The following LEKR1 variants were observed in gnomAD, a reference collection of about 807,000 sequenced individuals.
LEKR1 encodes leucine, glutamate and lysine rich 1.
LEKR1 carries 59 observed loss-of-function variants against 72.4 expected under a neutral mutation model. That is an observed-to-expected ratio of 0.82 (90% CI 0.66 to 1.01). The LOEUF is 1.01. Among genes scored for constraint, LEKR1 ranks in the 50% least tolerant of loss-of-function variants. LEKR1 has a pLI of 0.00. For synonymous variants in LEKR1, 257 were observed against 263.2 expected (o/e 0.98, Z 0.23); for missense variants, 728 against 759.2 (o/e 0.96, Z 0.48).
At chr3:156,985,820 G>A (rs928567810) in intron 7 of LEKR1, among the ~76,000 whole-genome samples, 1 of 148,630 alleles carries the variant, frequency 6.7e-6, no homozygotes, top group Admixed American at 6.8e-5. Context: ...TCCAGCCTGG[G>A]CAGCAAAGCG....
chr3:156,905,013 T>A (rs1722399106), intron 3 of LEKR1, among the ~76,000 whole-genome samples: 1 of 152,104 alleles, frequency 6.6e-6, no homozygotes, highest in South Asian at 2.1e-4. Flanking sequence ...GAGGTTAATT[T>A]AAAAACCTAC....
rs560010696 is a variant in LEKR1 at position 157,039,683 on chromosome 3, A to C, written c.1669-5657A>C. ...AAGACGGATTCATGTAAACTCTAAG[A>C]TTAAATTTTAATAATACATGGTATT... On this transcript the variant is annotated intron_variant, in intron 12 of 12. Coordinates refer to ENST00000356539, the MANE Select transcript of LEKR1 (RefSeq NM_001004316.3). 2.6e-5 allele frequency among the ~76,000 whole-genome samples: 4 copies of C among 152,206 alleles called. 1 individual carries two copies. The South Asian group carries it at 8.3e-4, about 32-fold the overall frequency.
At chr3:157,041,289 T>C (rs769805198) in intron 12 of LEKR1, among the ~76,000 whole-genome samples, 18 of 152,168 alleles carry the variant, frequency 1.2e-4, no homozygotes, top group African/African-American at 2.4e-5. Context: ...ACTTCCTCCA[T>C]GAAAATTTGG....
chr3:156,982,907 A>G (rs966540431), intron 7 of LEKR1, among the ~76,000 whole-genome samples: 1 of 141,494 alleles, frequency 7.1e-6, no homozygotes, highest in African/African-American at 2.5e-5. Context: ...AGATAGATAG[A>G]TGGAAGAGCT....
At chr3:157,006,441 T>C (rs1408561682) in intron 9 of LEKR1, among the ~76,000 whole-genome samples, 1 of 152,226 alleles carries the variant, frequency 6.6e-6, no homozygotes, top group African/African-American at 2.4e-5. Context: ...AAAAACAGTT[T>C]GGACGTTTCT....
At chr3:156,949,605 G>A (rs529326603) in intron 6 of LEKR1, among the ~76,000 whole-genome samples, 2 of 151,164 alleles carry the variant, frequency 1.3e-5, no homozygotes, top group South Asian at 4.2e-4. Context: ...AAACTCCTCT[G>A]GGCCTTAGTT....
At chr3:156,924,066 A>G (rs1390586355) in intron 4 of LEKR1, among the ~76,000 whole-genome samples, 1 of 152,074 alleles carries the variant, frequency 6.6e-6, no homozygotes, top group Non-Finnish European at 1.5e-5. Context: ...CTGTTTTCCA[A>G]AGGGGCTGCA....
At chr3:156,966,598 C>T (rs1159801789) in intron 6 of LEKR1, among the ~76,000 whole-genome samples, 1 of 152,138 alleles carries the variant, frequency 6.6e-6, no homozygotes, top group African/African-American at 2.4e-5. Flanking sequence ...CCTGCCATTG[C>T]CGAGGCTTGA....
chr3:156,919,771 G>A (rs1489772848), intron 3 of LEKR1, among the ~76,000 whole-genome samples: 1 of 152,124 alleles, frequency 6.6e-6, no homozygotes, highest in East Asian at 1.9e-4. Flanking sequence ...ATGTTACCAT[G>A]TTATTCTTTG....
intron 7 of LEKR1, among the ~76,000 whole-genome samples, chr3:156,989,076 T>A (rs1283794107): frequency 6.6e-6 from 1 of 152,172 alleles, no homozygotes; most frequent in Non-Finnish European, 1.5e-5. Flanking sequence ...ATGATCCACC[T>A]GCCTTGGCTC....
intron 1 of LEKR1, among the ~76,000 whole-genome samples, chr3:156,828,470 G>A (rs201784894): frequency 2.0e-4 from 1 of 4,882 alleles, no homozygotes; most frequent in African/African-American, 3.7e-4. Flanking sequence ...TCTTGTCTAT[G>A]CCTTCTTCCC....
At chr3:156,895,374 G>A (rs778570726) in intron 3 of LEKR1, among the ~76,000 whole-genome samples, 16 of 152,128 alleles carry the variant, frequency 1.1e-4, no homozygotes, top group Non-Finnish European at 1.9e-4. Context: ...AGCATTTTGG[G>A]AGGCCAAGGT....
intron 2 of LEKR1, among the ~76,000 whole-genome samples, chr3:156,838,261 C>T (rs1195114688): frequency 6.6e-6 from 1 of 152,146 alleles, no homozygotes; most frequent in Non-Finnish European, 1.5e-5. Flanking sequence ...AGAATGTGAC[C>T]AACCAGACAA....
At position 157,037,636 on chromosome 3, in the gene LEKR1, T is replaced by C. The variant is rs34530693; in HGVS notation, c.1669-7704T>C. Among the ~76,000 whole-genome samples the C allele has an allele frequency of 1.5e-3, 227 of 152,276 alleles. 1 individual carries two copies. The highest frequency in any genetic ancestry group is 5.2e-3 in the African/African-American group (218 of 41,562). On this transcript the variant is annotated intron_variant, in intron 12 of 12. Coordinates refer to ENST00000356539, the MANE Select transcript of LEKR1 (RefSeq NM_001004316.3). ...AGAACCCCTCCATGAATCCACAAAA[T>C]CCCAGAGGCAAAATTAGCTATACAC... is the stretch of plus-strand genomic sequence containing the variant.
intron 4 of LEKR1, among the ~76,000 whole-genome samples, chr3:156,923,877 G>A (rs577067775): frequency 3.9e-5 from 6 of 152,056 alleles, no homozygotes; most frequent in East Asian, 3.9e-4. Context: ...ACAGGTGCCC[G>A]CCGCCATGCC....
intron 7 of LEKR1, among the ~76,000 whole-genome samples, chr3:156,991,304 A>G (rs554429542): frequency 1.1e-4 from 16 of 152,108 alleles, no homozygotes; most frequent in Admixed American, 4.6e-4. Flanking sequence ...TCTTCTTATA[A>G]TAATTCATTA....
chr3:156,901,012 A>T (rs1329888242), intron 3 of LEKR1, among the ~76,000 whole-genome samples: 1 of 152,050 alleles, frequency 6.6e-6, no homozygotes, highest in Non-Finnish European at 1.5e-5. Flanking sequence ...TTTTAAAGAG[A>T]TGGGATCTTG....
chr3:156,978,175 G>A (rs906078206), intron 6 of LEKR1, among the ~76,000 whole-genome samples: 1 of 152,142 alleles, frequency 6.6e-6, no homozygotes, highest in Non-Finnish European at 1.5e-5. Flanking sequence ...TTATACAAAT[G>A]TCTGGTAAAT....
Position 157,046,047 on chromosome 3 carries a change from T to A in LEKR1, c.*297T>A, listed in dbSNP as rs918598474. On this transcript the variant is annotated 3_prime_UTR_variant, in exon 13 of 13. Coordinates refer to ENST00000356539, the MANE Select transcript of LEKR1 (RefSeq NM_001004316.3). Reference sequence around the variant, plus strand: ...AGCCTTTTAGAGATCACAGGTAAAATTTTTCACCCATAACATCTTTTCAAT... The same window carrying A: ...AGCCTTTTAGAGATCACAGGTAAAAATTTTCACCCATAACATCTTTTCAAT... 4.0e-4 allele frequency: 109 copies of A among 273,388 alleles called. 1 individual carries two copies. The highest frequency in any genetic ancestry group is 2.3e-3 in the African/African-American group (107 of 45,744). The allele number at this position is 273,388 out of a possible 1,614,324, so 16.9% of individuals were successfully genotyped here.
Sources: gnomAD v4.1 joint callset for allele counts (sites outside exome capture counted in the v4.1 genomes callset) on GRCh38, gnomAD v4.1.1 for gene constraint, MANE v1.5 for transcripts, NCBI Gene and HGNC (gene_info 2026-07-23, HGNC 2026-07-21) for gene names.